Variants in TRAPPC3L observed in about 807,000 individuals in gnomAD.
TRAPPC3L encodes trafficking protein particle complex subunit 3L.
A neutral mutation model predicts 23.7 loss-of-function variants in TRAPPC3L; 23 were observed. The observed-to-expected ratio is 0.97, with a 90% CI of 0.70 to 1.37. TRAPPC3L has a LOEUF of 1.37. Among genes scored for constraint, TRAPPC3L ranks in the 40% most tolerant of loss-of-function variants. The pLI is 0.00. For missense variants in TRAPPC3L, 212 were observed against 216.8 expected (o/e 0.98, Z 0.14); for synonymous variants, 81 against 77.9 (o/e 1.04, Z -0.21).
intron 3 of TRAPPC3L, chr6:116,519,534 G>A (rs1031661681): frequency 2.0e-5 from 3 of 152,190 alleles, no homozygotes. Flanking sequence ...GCACCCAATG[G>A]TCATACTAAT....
Position 116,496,677 on chromosome 6 carries a change from C to T in TRAPPC3L, c.*277G>A, listed in dbSNP as rs2115150229. On this transcript the variant is annotated 3_prime_UTR_variant, in exon 5 of 5. Transcript: ENST00000368602. ...TACGTGAATGGAATGAACAGCTTCT[C>T]TGAGGATGGATAGTGTAAGATGTGG... is the stretch of plus-strand genomic sequence containing the variant. The T allele has an allele frequency of 3.4e-6, 1 of 296,866 alleles. No homozygotes were observed. The highest frequency in any genetic ancestry group is 7.8e-5 in the East Asian group (1 of 12,870). 18.4% of individuals were successfully genotyped at this position (296,866 alleles called of 1,614,324 possible).
At position 116,511,997 on chromosome 6, in the gene TRAPPC3L, G is replaced by A. The variant is rs916094899; in HGVS notation, c.241-11331C>T. The A allele has an allele frequency of 1.2e-6, 2 of 1,613,920 alleles. No individual in the cohort carries two copies. The highest frequency in any genetic ancestry group is 1.7e-5 in the Admixed American group (1 of 59,954). On this transcript the variant is annotated intron_variant, in intron 3 of 4. Transcript: ENST00000368602. ...CAGCTGCCGTTTCTTCTACGTCCTC[G>A]GCCAGATCACTCTGAGCTCATTGGT... is the stretch of plus-strand genomic sequence containing the variant.
At chr6:116,531,961 T>C (rs1772755342) in intron 3 of TRAPPC3L, among the ~76,000 whole-genome samples, 1 of 151,860 alleles carries the variant, frequency 6.6e-6, no homozygotes, top group Admixed American at 6.6e-5. Flanking sequence ...CAAGTTGAGT[T>C]CGCTGTCATT....
chr6:116,516,465 C>A (rs1156395129), intron 3 of TRAPPC3L: 2 of 151,984 alleles, frequency 1.3e-5, no homozygotes, highest in African/African-American at 4.8e-5. Flanking sequence ...GAATTCATTC[C>A]CTCAGGATCT....
Position 116,496,940 on chromosome 6 carries a change from T to A in TRAPPC3L, c.*14A>T. 1 of 1,536,746 alleles carries A rather than the reference T, an allele frequency of 6.5e-7. No homozygotes were observed. Among genetic ancestry groups the A allele is most frequent in the Non-Finnish European group, 8.7e-7 (1 of 1,143,316 alleles). ...ACTCAGCTAGCCGCCCCGTGGCATT[T>A]TCCGTGCTAGTCTTCATTTTTTCCC... is the stretch of plus-strand genomic sequence containing the variant. On this transcript the variant is annotated 3_prime_UTR_variant, in exon 5 of 5. Transcript: ENST00000368602.
intron 3 of TRAPPC3L, among the ~76,000 whole-genome samples, chr6:116,529,866 A>C (rs918897391): frequency 1.3e-5 from 2 of 152,202 alleles, no homozygotes; most frequent in African/African-American, 4.8e-5. Flanking sequence ...CCTATACCAT[A>C]AAGTAAGTTG....
intron 3 of TRAPPC3L, among the ~76,000 whole-genome samples, chr6:116,505,951 G>C (rs1290351694): frequency 2.6e-5 from 4 of 152,186 alleles, no homozygotes; most frequent in African/African-American, 9.7e-5. Context: ...TCAGGACATA[G>C]GCATGGGCAA....
intron 3 of TRAPPC3L, chr6:116,523,782 A>G (rs2115176021): frequency 6.6e-6 from 1 of 152,344 alleles, no homozygotes; most frequent in South Asian, 2.1e-4. Flanking sequence ...ATAAGCAACA[A>G]AAAACAAGGC....
chr6:116,524,299 A>T (rs1186354338), intron 3 of TRAPPC3L: 1 of 152,170 alleles, frequency 6.6e-6, no homozygotes, highest in Non-Finnish European at 1.5e-5. Context: ...TGTTTGAAAA[A>T]TTTCATAAGG....
chr6:116,538,746 T>G (rs1452151603), intron 3 of TRAPPC3L, among the ~76,000 whole-genome samples: 1 of 152,028 alleles, frequency 6.6e-6, no homozygotes, highest in East Asian at 1.9e-4. Flanking sequence ...TTTTTTTTTT[T>G]TTTGAAACAG....
At chr6:116,507,716 G>T (rs1366012814) in intron 3 of TRAPPC3L, among the ~76,000 whole-genome samples, 2 of 152,148 alleles carry the variant, frequency 1.3e-5, no homozygotes. Context: ...GGTAACAGGG[G>T]ACTACACTAC....
At chr6:116,505,670 T>C (rs1419090297) in intron 3 of TRAPPC3L, among the ~76,000 whole-genome samples, 1 of 151,958 alleles carries the variant, frequency 6.6e-6, no homozygotes, top group Non-Finnish European at 1.5e-5. Flanking sequence ...CCAAAACAGA[T>C]ATATAGACCA....
At chr6:116,540,260 A>G in intron 3 of TRAPPC3L, 103 bp downstream of exon 3, 1 of 1,050,464 alleles carries the variant, frequency 9.5e-7, no homozygotes, top group Non-Finnish European at 1.4e-6. Context: ...GCACCTAACA[A>G]TGAATGCAGA....
chr6:116,539,606 C>A (rs992665776), intron 3 of TRAPPC3L, among the ~76,000 whole-genome samples: 1 of 151,990 alleles, frequency 6.6e-6, no homozygotes, highest in Non-Finnish European at 1.5e-5. Flanking sequence ...TGCATTTAGG[C>A]TCAGAAAGCA....
intron 2 of TRAPPC3L, among the ~76,000 whole-genome samples, chr6:116,541,623 T>C (rs1442899611): frequency 2.0e-5 from 3 of 152,198 alleles, no homozygotes; most frequent in Non-Finnish European, 4.4e-5. Context: ...TCCTTGACTT[T>C]GGAGAAAAAT....
intron 3 of TRAPPC3L, among the ~76,000 whole-genome samples, chr6:116,505,781 T>G (rs971552522): frequency 1.9e-4 from 29 of 152,306 alleles, no homozygotes; most frequent in African/African-American, 6.3e-4. Context: ...GGATTCCCTG[T>G]TTAATAAATG....
chr6:116,497,692 G>GCTTA (rs1219103081), intron 4 of TRAPPC3L, among the ~76,000 whole-genome samples: 7 of 152,030 alleles, frequency 4.6e-5, no homozygotes, highest in African/African-American at 1.7e-4. Context: ...AGTAAGCAGG[G>GCTTA]CTTACTTCTT....
chr6:116,521,419 G>A (rs1772338710), intron 3 of TRAPPC3L: 1 of 151,884 alleles, frequency 6.6e-6, no homozygotes, highest in African/African-American at 2.4e-5. Context: ...GGAACCTGAA[G>A]TTTTTATTTC....
intron 3 of TRAPPC3L, among the ~76,000 whole-genome samples, chr6:116,530,961 A>T: frequency 6.8e-6 from 1 of 146,846 alleles, no homozygotes; most frequent in East Asian, 2.0e-4. Context: ...AATTTCCTAG[A>T]CAAGAAGAAC....
Sources: allele counts gnomAD v4.1 joint callset (sites outside exome capture counted in the v4.1 genomes callset), GRCh38; gene constraint gnomAD v4.1.1; transcripts MANE v1.5; gene names NCBI Gene and HGNC (gene_info 2026-07-23, HGNC 2026-07-21).